Variants in NSMCE2 observed in about 807,000 individuals in gnomAD.
The protein encoded by NSMCE2 is NSE2 SUMO ligase component of SMC5/6 complex, also known as E3 SUMO-protein ligase NSE2.
NSMCE2 carries 24 observed loss-of-function variants against 23.8 expected under a neutral mutation model. The ratio of observed to expected loss-of-function variants is 1.01; its 90% CI spans 0.73 to 1.42. The LOEUF (loss-of-function observed/expected upper bound fraction) is 1.42. Ranked by LOEUF, NSMCE2 falls within the 40% of genes most tolerant of loss-of-function variation. The pLI is 0.00. For missense variants in NSMCE2, 284 were observed against 296.5 expected (o/e 0.96, Z 0.31); for synonymous variants, 92 against 94.1 (o/e 0.98, Z 0.13).
chr8:125,201,958 G>A (rs764690827), intron 5 of NSMCE2, among the ~76,000 whole-genome samples: 4 of 151,830 alleles, frequency 2.6e-5, no homozygotes, highest in Admixed American at 6.6e-5. Flanking sequence ...CTTCAGCCTC[G>A]CAGGTTCTCA....
intron 3 of NSMCE2, among the ~76,000 whole-genome samples, chr8:125,149,807 G>A (rs79428448): frequency 0.013 from 1,943 of 152,164 alleles, 36 homozygotes; most frequent in African/African-American, 0.045. Flanking sequence ...GTTATTCTTA[G>A]TGGCTTGTTT....
chr8:125,254,043 G>A (rs1826308703), intron 5 of NSMCE2, among the ~76,000 whole-genome samples: 1 of 152,078 alleles, frequency 6.6e-6, no homozygotes, highest in Non-Finnish European at 1.5e-5. Context: ...CTGTAACTAA[G>A]CATCTCTCTT....
intron 5 of NSMCE2, among the ~76,000 whole-genome samples, chr8:125,226,472 T>A (rs1288838662): frequency 6.6e-6 from 1 of 152,100 alleles, no homozygotes; most frequent in East Asian, 1.9e-4. Context: ...ACAGCTGCTC[T>A]TCTTGCACTG....
intron 5 of NSMCE2, among the ~76,000 whole-genome samples, chr8:125,294,594 G>A (rs1183064374): frequency 3.3e-5 from 5 of 152,144 alleles, no homozygotes; most frequent in Admixed American, 2.0e-4. Flanking sequence ...ACTTGCGATC[G>A]TATACTTTCT....
intron 4 of NSMCE2, among the ~76,000 whole-genome samples, chr8:125,168,070 A>G (rs1463945796): frequency 1.3e-5 from 2 of 152,208 alleles, no homozygotes; most frequent in Admixed American, 6.5e-5. Flanking sequence ...AACCTGTTGG[A>G]AGAATTTTTG....
chr8:125,157,014 T>C (rs1163049025), intron 4 of NSMCE2, among the ~76,000 whole-genome samples: 1 of 152,206 alleles, frequency 6.6e-6, no homozygotes. Flanking sequence ...TATTCTATGG[T>C]ACCTGAGAGC....
chr8:125,164,436 G>A (rs973710815), intron 4 of NSMCE2, among the ~76,000 whole-genome samples: 14 of 152,068 alleles, frequency 9.2e-5, no homozygotes, highest in African/African-American at 2.7e-4. Flanking sequence ...ATGTTTTTAG[G>A]GAGTCTTGGT....
chr8:125,129,961 GACTAA>G (rs1819682232), intron 3 of NSMCE2, among the ~76,000 whole-genome samples: 2 of 152,216 alleles, frequency 1.3e-5, no homozygotes, highest in South Asian at 4.2e-4. Context: ...CATTCCTGTT[GACTAA>G]ACTAAATAGT....
At chr8:125,122,018 C>T (rs555400108) in intron 3 of NSMCE2, among the ~76,000 whole-genome samples, 7 of 152,138 alleles carry the variant, frequency 4.6e-5, no homozygotes, top group South Asian at 2.1e-4. Flanking sequence ...TTCTTACCTA[C>T]GCATTATTGA....
intron 5 of NSMCE2, among the ~76,000 whole-genome samples, chr8:125,309,248 C>CAA (rs111355815): frequency 0.011 from 711 of 63,790 alleles, 8 homozygotes; most frequent in African/African-American, 0.023. Context: ...AACTCTGTCT[C>CAA]AAAAAAAAAA....
At chr8:125,152,122 T>G (rs750647638) in intron 4 of NSMCE2, among the ~76,000 whole-genome samples, 1 of 152,184 alleles carries the variant, frequency 6.6e-6, no homozygotes, top group Non-Finnish European at 1.5e-5. Context: ...ATAGTTAGAG[T>G]AAGCTTTTTT....
rs1472470359 is a variant in NSMCE2, at chr8:125,286,307, TTTTA to T, written c.419-70904_419-70901del. ...ATATTCAGAGACTCCAAACAATACC[TTTTA>T]TTTATTTTTTTTTTTTTTTGAGATG... On this transcript the variant is annotated intron_variant, in intron 5 of 7. Coordinates refer to ENST00000287437, the MANE Select transcript of NSMCE2 (RefSeq NM_173685.4). Among the ~76,000 whole-genome samples the T allele has an allele frequency of 3.7e-3, 320 of 87,434 alleles. 1 individual carries two copies. The highest frequency in any genetic ancestry group is 9.9e-3 in the African/African-American group (303 of 30,496). 57.4% of individuals were successfully genotyped at this position (87,434 alleles called of 152,430 possible).
chr8:125,124,646 ATTTTTGTATTTTG>A (rs1819427708), intron 3 of NSMCE2, among the ~76,000 whole-genome samples: 1 of 150,450 alleles, frequency 6.6e-6, no homozygotes, highest in Non-Finnish European at 1.5e-5. Flanking sequence ...CACCTGGCTA[ATTTTTGTATTTTG>A]TAGAGACAAG....
intron 3 of NSMCE2, among the ~76,000 whole-genome samples, chr8:125,138,270 A>G (rs1400743484): frequency 1.3e-5 from 2 of 152,228 alleles, no homozygotes; most frequent in East Asian, 1.9e-4. Flanking sequence ...GTCACTCAGG[A>G]TGGAGTGCAG....
chr8:125,134,722 CT>C (rs34284298), intron 3 of NSMCE2, among the ~76,000 whole-genome samples: 1,722 of 117,696 alleles, frequency 0.015, 25 homozygotes, highest in Middle Eastern at 0.048. Flanking sequence ...TAACGGATTC[CT>C]TTTTTTTTTT....
intron 5 of NSMCE2, among the ~76,000 whole-genome samples, chr8:125,220,671 C>T (rs1006439707): frequency 6.6e-6 from 1 of 151,694 alleles, no homozygotes; most frequent in African/African-American, 2.4e-5. Flanking sequence ...AGAACTTACT[C>T]ATAATGTATC....
intron 5 of NSMCE2, among the ~76,000 whole-genome samples, chr8:125,250,889 A>T (rs1826175183): frequency 6.6e-6 from 1 of 152,338 alleles, no homozygotes; most frequent in South Asian, 2.1e-4. Context: ...TTGACAGTTG[A>T]TAATAATGTT....
intron 5 of NSMCE2, among the ~76,000 whole-genome samples, chr8:125,322,973 C>T (rs191792473): frequency 1.2e-4 from 19 of 152,282 alleles, no homozygotes; most frequent in African/African-American, 4.1e-4. Flanking sequence ...GTGGGAGAAT[C>T]GCTTGAACCC....
At chr8:125,357,657 C>G in intron 6 of NSMCE2, 55 bp from the exon 7 acceptor site, 1 of 1,311,292 alleles carries the variant, frequency 7.6e-7, no homozygotes. Flanking sequence ...GACGAAACAG[C>G]TACTGGAAGT....
Sources: gnomAD v4.1 joint callset for allele counts (sites outside exome capture counted in the v4.1 genomes callset) on GRCh38, gnomAD v4.1.1 for gene constraint, MANE v1.5 for transcripts, NCBI Gene and HGNC (gene_info 2026-07-23, HGNC 2026-07-21) for gene names.